ZBTB38: variants seen among roughly 807,000 people sequenced by gnomAD.
The protein encoded by ZBTB38 is zinc finger and BTB domain-containing protein 38.
In ZBTB38, 20 loss-of-function variants were observed where a neutral mutation model predicts 76.8. That is an observed-to-expected ratio of 0.26 (90% confidence interval 0.18 to 0.38). The LOEUF is 0.38. ZBTB38 is among the 10% of genes least tolerant of loss of function. The pLI, the probability that ZBTB38 is intolerant of heterozygous loss-of-function variation, is 1.00. For missense variants in ZBTB38, 1,082 were observed against 1,482.3 expected, an observed-to-expected ratio of 0.73 and a Z score of 4.43; for synonymous variants, 504 against 544.2, an observed-to-expected ratio of 0.93 and a Z score of 1.03.
chr3:141,353,744 A>T (rs954503880), intron 1 of ZBTB38, among the ~76,000 whole-genome samples: 1 of 152,172 alleles, frequency 6.6e-6, no homozygotes, highest in African/African-American at 2.4e-5. Flanking sequence ...ACACATGAGC[A>T]TAGCAAATGA....
chr3:141,340,986 GAAAGAGAAAGAAGA>G (rs1943178635), intron 1 of ZBTB38, among the ~76,000 whole-genome samples: 4 of 139,304 alleles, frequency 2.9e-5, no homozygotes, highest in Non-Finnish European at 4.6e-5. Flanking sequence ...AAGAAAGAAA[GAAAGAGAAAGAAGA>G]AAGAAAGAAA....
Position 141,445,087 on chromosome 3 carries a change from G to C in ZBTB38, c.2699G>C (p.Ser900Thr). Residue 900 changes from serine (S) to threonine (T), a missense_variant, in exon 6 of 6, where the codon AGT becomes ACT. Transcript: ENST00000321464. This position sits in a 1 kb window ranked among gnomAD's most constrained non-coding sequence, Gnocchi z 6.5. The part of the protein sequence containing the change: ...GLCQSECMEM[S>T]EVFDDASDQD... ...TGCCAATCCGAGTGCATGGAGATGA[G>C]TGAAGTGTTCGATGACGCAAGTGAC... 1 of 1,614,202 alleles carries C rather than the reference G, an allele frequency of 6.2e-7. No homozygotes were observed. The highest frequency in any genetic ancestry group is 8.5e-7 in the Non-Finnish European group (1 of 1,180,038).
intron 1 of ZBTB38, among the ~76,000 whole-genome samples, chr3:141,351,630 G>A (rs1298641842): frequency 1.3e-5 from 2 of 150,348 alleles, no homozygotes; most frequent in African/African-American, 2.4e-5. Flanking sequence ...TTACGTGGGA[G>A]ACTGAGGCAG....
At chr3:141,332,401 A>G (rs1942881859) in intron 1 of ZBTB38, among the ~76,000 whole-genome samples, 2 of 152,030 alleles carry the variant, frequency 1.3e-5, no homozygotes, top group South Asian at 4.2e-4. Flanking sequence ...CTCTAGTCCC[A>G]CATACTGGGT....
At chr3:141,360,722 T>G (rs116010555) in intron 1 of ZBTB38, among the ~76,000 whole-genome samples, 2,870 of 152,168 alleles carry the variant, frequency 0.019, 104 homozygotes, top group African/African-American at 0.067. Context: ...CTGGACCAGA[T>G]AGTTGTGTTG....
At chr3:141,427,100 G>A (rs533471948) in intron 5 of ZBTB38, among the ~76,000 whole-genome samples, 43 of 152,176 alleles carry the variant, frequency 2.8e-4, no homozygotes, top group African/African-American at 9.4e-4. Context: ...TGGAAAGCTC[G>A]GTAACAGTGC....
chr3:141,400,183 GTGACTGGTTATGAGGA>G (rs1951499283), intron 4 of ZBTB38, among the ~76,000 whole-genome samples: 1 of 152,144 alleles, frequency 6.6e-6, no homozygotes, highest in Non-Finnish European at 1.5e-5. Flanking sequence ...GAGAGAATCT[GTGACTGGTTATGAGGA>G]AGGATGGAAA....
upstream of ZBTB38, among the ~76,000 whole-genome samples, chr3:141,363,713 T>C (rs1445443248): frequency 6.6e-6 from 1 of 152,212 alleles, no homozygotes; most frequent in African/African-American, 2.4e-5. Context: ...TAGTTTTATA[T>C]GTACAGAATT....
At chr3:141,426,234 T>C in intron 5 of ZBTB38, 3 of 1,279,822 alleles carry the variant, frequency 2.3e-6, no homozygotes, top group Non-Finnish European at 3.1e-6. Flanking sequence ...ATCTTGGTAA[T>C]TTTCAGCAGG....
chr3:141,342,569 C>G (rs556746594), intron 1 of ZBTB38, among the ~76,000 whole-genome samples: 122 of 151,956 alleles, frequency 8.0e-4, no homozygotes, highest in Non-Finnish European at 1.5e-3. Flanking sequence ...TTAGGAGAAC[C>G]CTGGTGACAC....
chr3:141,413,513 A>G lies in ZBTB38; in HGVS notation c.-1+9482A>G, dbSNP rs962203787. Among the ~76,000 whole-genome samples, 2 of 152,044 alleles carry G rather than the reference A, an allele frequency of 1.3e-5. No homozygotes were observed. Among genetic ancestry groups the G allele is most frequent in the East Asian group, 1.9e-4 (1 of 5,196 alleles). ...GCTGGATGGTCCAGGCCCTATTTCTATGATCTGTTTTTTGGAACTGTTGTA... is the reference window on the plus strand; with the variant it reads ...GCTGGATGGTCCAGGCCCTATTTCTGTGATCTGTTTTTTGGAACTGTTGTA... On this transcript the variant is annotated intron_variant, in intron 5 of 5. Coordinates refer to ENST00000321464, the MANE Select transcript of ZBTB38 (RefSeq NM_001376113.1). This position sits in a 1 kb window ranked among gnomAD's most constrained non-coding sequence, Gnocchi z 4.1.
chr3:141,372,208 T>A (rs979616843), intron 2 of ZBTB38, among the ~76,000 whole-genome samples: 1 of 152,198 alleles, frequency 6.6e-6, no homozygotes, highest in Non-Finnish European at 1.5e-5. Flanking sequence ...TACATTAGGA[T>A]GGAGCTGAGG....
chr3:141,383,448 C>A (rs191269400), intron 3 of ZBTB38, among the ~76,000 whole-genome samples: 74 of 152,174 alleles, frequency 4.9e-4, no homozygotes, highest in Non-Finnish European at 8.7e-4. Context: ...TGTTGACTAC[C>A]TCTATTAGGT....
At chr3:141,340,459 G>A (rs911869476) in intron 1 of ZBTB38, among the ~76,000 whole-genome samples, 1 of 152,068 alleles carries the variant, frequency 6.6e-6, no homozygotes, top group African/African-American at 2.4e-5. Context: ...ATTCCTACAA[G>A]GGGAGAAAAT....
intron 5 of ZBTB38, among the ~76,000 whole-genome samples, chr3:141,420,035 TG>T (rs2075006520): frequency 6.6e-6 from 1 of 152,138 alleles, no homozygotes; most frequent in Non-Finnish European, 1.5e-5. Flanking sequence ...GGAATGAGGC[TG>T]GGTGTTTTTG....
chr3:141,396,700 T>C (rs1392283906), intron 4 of ZBTB38, among the ~76,000 whole-genome samples: 1 of 152,256 alleles, frequency 6.6e-6, no homozygotes, highest in Non-Finnish European at 1.5e-5. Context: ...TGATCAGGAC[T>C]ACAGAATGGA....
At chr3:141,415,810 T>C (rs548551978) in intron 5 of ZBTB38, among the ~76,000 whole-genome samples, 2 of 150,984 alleles carry the variant, frequency 1.3e-5, no homozygotes, top group South Asian at 2.1e-4. Flanking sequence ...GTTGTGACTT[T>C]AATCTTATAG....
At chr3:141,385,729 A>G (rs1946917351) in intron 3 of ZBTB38, among the ~76,000 whole-genome samples, 1 of 151,408 alleles carries the variant, frequency 6.6e-6, no homozygotes, top group African/African-American at 2.4e-5. Context: ...AGAATTCTTG[A>G]ATGTTTTTTA....
At chr3:141,412,396 G>A (rs1230860405) in intron 5 of ZBTB38, among the ~76,000 whole-genome samples, 1 of 152,076 alleles carries the variant, frequency 6.6e-6, no homozygotes, top group Non-Finnish European at 1.5e-5. Context: ...TCCTCCCACT[G>A]TGAGGTCTAC....
Sources: allele counts gnomAD v4.1 joint callset (sites outside exome capture counted in the v4.1 genomes callset), GRCh38; gene constraint gnomAD v4.1.1; non-coding constraint Gnocchi (gnomAD v3.1); transcripts MANE v1.5; gene names NCBI Gene and HGNC (gene_info 2026-07-23, HGNC 2026-07-21).